Variants in C1GALT1 observed in about 807,000 individuals in gnomAD.
C1GALT1 encodes core 1 synthase, glycoprotein-N-acetylgalactosamine 3-beta-galactosyltransferase 1.
C1GALT1 carries 11 observed loss-of-function variants against 31.0 expected under a neutral mutation model. The observed-to-expected ratio is 0.36, with a 90% CI of 0.22 to 0.59. The LOEUF (loss-of-function observed/expected upper bound fraction) is 0.59. Among genes scored for constraint, C1GALT1 ranks in the 20% least tolerant of loss-of-function variants. The pLI, the probability that C1GALT1 is intolerant of heterozygous loss-of-function variation, is 0.79. For missense variants in C1GALT1, 424 were observed against 425.2 expected (o/e 1.00, Z 0.03); for synonymous variants, 175 against 143.6 (o/e 1.22, Z -1.56).
In C1GALT1 at chr7:7,234,607, C is replaced by A. The variant is rs770725584; in HGVS notation, c.220+68C>A. On this transcript the variant is annotated intron_variant, in intron 2 of 3. Coordinates refer to ENST00000436587, the MANE Select transcript of C1GALT1 (RefSeq NM_020156.5). ...AGTCTAAATTTTGTCATATTCCTGTCTGTATCTGTTAATTAAAATGGGCTA... is the reference window on the plus strand; with the variant it reads ...AGTCTAAATTTTGTCATATTCCTGTATGTATCTGTTAATTAAAATGGGCTA... 2.8e-5 allele frequency: 33 copies of A among 1,165,088 alleles called. No individual in the cohort carries two copies. The South Asian group carries it at 4.5e-4, about 16-fold the overall frequency. 72.2% of individuals were successfully genotyped at this position (1,165,088 alleles called of 1,614,324 possible).
intron 1 of C1GALT1, among the ~76,000 whole-genome samples, chr7:7,210,130 C>G (rs112380590): frequency 1.3e-5 from 2 of 152,300 alleles, no homozygotes; most frequent in African/African-American, 4.8e-5. Flanking sequence ...GATGGCTTAG[C>G]TTGGGCTCAG....
At chr7:7,160,568 G>A (rs76384344) in intron 2 of C1GALT1, among the ~76,000 whole-genome samples, 3,624 of 152,148 alleles carry the variant, frequency 0.024, 128 homozygotes, top group African/African-American at 0.082. Flanking sequence ...AGAAGGGGAG[G>A]AAAATAAAAA....
At chr7:7,193,370 T>C (rs548114708) in intron 1 of C1GALT1, among the ~76,000 whole-genome samples, 190 of 152,306 alleles carry the variant, frequency 1.2e-3, no homozygotes, top group African/African-American at 4.4e-3. Context: ...TTCTTCTACA[T>C]GTGGCTTGCC....
chr7:7,210,038 G>A (rs1583785320), intron 1 of C1GALT1, among the ~76,000 whole-genome samples: 1 of 152,082 alleles, frequency 6.6e-6, no homozygotes, highest in African/African-American at 2.4e-5. Flanking sequence ...GTTAAGGGAG[G>A]AACAGGCCAT....
At chr7:7,194,858 G>T (rs944670922) in intron 1 of C1GALT1, among the ~76,000 whole-genome samples, 19 of 151,972 alleles carry the variant, frequency 1.3e-4, no homozygotes, top group African/African-American at 4.1e-4. Context: ...GCTGCTTGCT[G>T]TTGGTCTGTT....
At chr7:7,240,538 T>C (rs551955422) in intron 3 of C1GALT1, among the ~76,000 whole-genome samples, 2 of 152,066 alleles carry the variant, frequency 1.3e-5, no homozygotes, top group African/African-American at 4.8e-5. Flanking sequence ...ATATAAAAAA[T>C]TTACCCAAAT....
chr7:7,170,852 T>C (rs770406374), intron 2 of C1GALT1, among the ~76,000 whole-genome samples: 3 of 152,242 alleles, frequency 2.0e-5, no homozygotes, highest in Non-Finnish European at 4.4e-5. Context: ...CTAGTTTTTA[T>C]TGTAGTTTCT....
intron 3 of C1GALT1, among the ~76,000 whole-genome samples, chr7:7,242,206 TTC>T: frequency 1.4e-5 from 2 of 138,766 alleles, no homozygotes; most frequent in African/African-American, 6.0e-5. Context: ...AAAATGAAAT[TTC>T]ACTTTTTTTT....
chr7:7,182,023 T>C (rs771763032), upstream of C1GALT1, among the ~76,000 whole-genome samples: 18 of 152,214 alleles, frequency 1.2e-4, no homozygotes, highest in Non-Finnish European at 1.9e-4. Flanking sequence ...GAAAGCTTTC[T>C]GGTATCATTA....
chr7:7,239,722 A>G (rs1188213240), intron 3 of C1GALT1, among the ~76,000 whole-genome samples: 1 of 150,334 alleles, frequency 6.7e-6, no homozygotes, highest in Non-Finnish European at 1.5e-5. Context: ...AATATTTCAG[A>G]ATATACATTG....
Position 7,239,018 on chromosome 7 carries a change from C to G in C1GALT1, c.888+96C>G, listed in dbSNP as rs1356077048. On this transcript the variant is annotated intron_variant, in intron 3 of 3. Coordinates refer to ENST00000436587, the MANE Select transcript of C1GALT1 (RefSeq NM_020156.5). The stretch of plus-strand genomic sequence containing the variant: ...TATGTGTATGTTTCTTTAGTACCAA[C>G]AACAAGGACTCTTCCTTAGTCTTTT... 53 of 955,422 alleles carry G rather than the reference C, an allele frequency of 5.5e-5. No individual in the cohort carries two copies. The East Asian group carries it at 9.5e-4, about 17-fold the overall frequency. The allele number at this position is 955,422 out of a possible 1,614,324, so 59.2% of individuals were successfully genotyped here.
intron 3 of C1GALT1, among the ~76,000 whole-genome samples, chr7:7,241,424 C>G (rs7798513): frequency 6.6e-6 from 1 of 151,928 alleles, no homozygotes; most frequent in South Asian, 2.1e-4. Flanking sequence ...TGTAGCTTTA[C>G]AGCAGTTTTA....
chr7:7,248,465 C>A lies in C1GALT1; in HGVS notation c.*4738C>A, dbSNP rs10513. ...AAAATTATTTAAGGTAATGGTGTTA[C>A]GAATGGTTTAAAAATGTCTGGTGAC... On this transcript the variant is annotated 3_prime_UTR_variant, in exon 4 of 4. Coordinates refer to ENST00000436587, the MANE Select transcript of C1GALT1 (RefSeq NM_020156.5). 3 of 151,918 alleles carry A rather than the reference C, an allele frequency of 2.0e-5. No homozygotes were observed. Among genetic ancestry groups the A allele is most frequent in the Non-Finnish European group, 4.4e-5 (3 of 67,854 alleles). The allele number at this position is 151,918 out of a possible 1,614,324, so 9.4% of individuals were successfully genotyped here. A position where few individuals can be genotyped will look rare whatever the true frequency, so the allele number is the denominator to read the frequency against.
intron 1 of C1GALT1, among the ~76,000 whole-genome samples, chr7:7,226,793 C>G (rs1201886222): frequency 1.1e-4 from 16 of 152,096 alleles, no homozygotes; most frequent in Admixed American, 9.8e-4. Context: ...AGCATGGAAT[C>G]TAGTTTAATG....
chr7:7,224,069 A>C (rs1782637758), intron 1 of C1GALT1, among the ~76,000 whole-genome samples: 1 of 152,038 alleles, frequency 6.6e-6, no homozygotes, highest in African/African-American at 2.4e-5. Context: ...TTGATTTTTA[A>C]ATGTTGAACC....
intron 1 of C1GALT1, among the ~76,000 whole-genome samples, chr7:7,201,964 C>T (rs1357767313): frequency 6.6e-6 from 1 of 152,208 alleles, no homozygotes; most frequent in Non-Finnish European, 1.5e-5. Flanking sequence ...CCCCAAGGGC[C>T]TCTGTGAGAC....
At chr7:7,234,032 T>C (rs1337251535) in intron 1 of C1GALT1, among the ~76,000 whole-genome samples, 1 of 152,094 alleles carries the variant, frequency 6.6e-6, no homozygotes, top group African/African-American at 2.4e-5. Flanking sequence ...CCACAAAGGA[T>C]CCTGGTGGGA....
At chr7:7,178,418 T>G (rs1017006677), upstream of C1GALT1, 2 of 198,106 alleles carry the variant, frequency 1.0e-5, no homozygotes, top group African/African-American at 4.7e-5. Flanking sequence ...GTAATTTGCT[T>G]GGAGATGGCA....
intron 2 of C1GALT1, among the ~76,000 whole-genome samples, chr7:7,169,099 G>A (rs1780426096): frequency 6.6e-6 from 1 of 152,052 alleles, no homozygotes; most frequent in Non-Finnish European, 1.5e-5. Flanking sequence ...CATATAAGTG[G>A]AATTATACAA....
Sources: allele counts gnomAD v4.1 joint callset (sites outside exome capture counted in the v4.1 genomes callset), GRCh38; gene constraint gnomAD v4.1.1; transcripts MANE v1.5; gene names NCBI Gene and HGNC (gene_info 2026-07-23, HGNC 2026-07-21).